FTO: variants seen among roughly 807,000 people sequenced by gnomAD.
The protein encoded by FTO is alpha-ketoglutarate-dependent dioxygenase FTO.
FTO carries 47 observed loss-of-function variants against 63.9 expected under a neutral mutation model. The observed-to-expected ratio is 0.74, with a 90% CI of 0.58 to 0.94. The LOEUF (loss-of-function observed/expected upper bound fraction) is 0.94. FTO is among the 40% of genes least tolerant of loss of function. FTO has a pLI of 0.00. For synonymous variants in FTO, 207 were observed against 224.4 expected (o/e 0.92, Z 0.69); for missense variants, 562 against 618.1 (o/e 0.91, Z 0.96).
At chr16:53,968,810 T>A (rs1413428847) in intron 8 of FTO, among the ~76,000 whole-genome samples, 1 of 152,232 alleles carries the variant, frequency 6.6e-6, no homozygotes, top group African/African-American at 2.4e-5. Flanking sequence ...CCTGGTGGGA[T>A]GTTTTCAATA....
intron 7 of FTO, among the ~76,000 whole-genome samples, chr16:53,910,107 G>A (rs564246933): frequency 2.6e-5 from 4 of 152,072 alleles, no homozygotes; most frequent in African/African-American, 4.8e-5. Context: ...AGGTTGGGAC[G>A]GAGCCCATTT....
chr16:53,837,499 T>C (rs577868621), intron 3 of FTO, among the ~76,000 whole-genome samples: 107 of 152,330 alleles, frequency 7.0e-4, no homozygotes, highest in Non-Finnish European at 1.4e-3. Context: ...GAGCTGGGAA[T>C]GATTAGTTTG....
At chr16:54,060,926 T>G (rs2085554790) in intron 8 of FTO, among the ~76,000 whole-genome samples, 2 of 152,226 alleles carry the variant, frequency 1.3e-5, no homozygotes, top group African/African-American at 4.8e-5. Context: ...AGAGAAAATT[T>G]CGCCCTGGCC....
At chr16:53,937,103 G>A in intron 8 of FTO, 3 of 396,042 alleles carry the variant, frequency 7.6e-6, no homozygotes, top group Middle Eastern at 6.4e-4. Context: ...GCATGACTTG[G>A]GGTAACCGAG....
intron 2 of FTO, among the ~76,000 whole-genome samples, chr16:53,824,187 T>G (rs1385069121): frequency 4.6e-5 from 7 of 152,220 alleles, no homozygotes; most frequent in Admixed American, 4.6e-4. Context: ...AGCTTCAGAT[T>G]CCTTACCACG....
intron 3 of FTO, among the ~76,000 whole-genome samples, chr16:53,835,664 T>C (rs1387438428): frequency 6.6e-6 from 1 of 152,152 alleles, no homozygotes; most frequent in African/African-American, 2.4e-5. Context: ...TTACTGTCAT[T>C]GTGTAGGGCT....
intron 8 of FTO, among the ~76,000 whole-genome samples, chr16:54,016,762 C>T (rs148872877): frequency 1.7e-4 from 26 of 152,152 alleles, no homozygotes; most frequent in Middle Eastern, 3.4e-3. Context: ...GCTTGGTTAG[C>T]GATAATGGAG....
intron 8 of FTO, among the ~76,000 whole-genome samples, chr16:54,054,743 C>T (rs557078247): frequency 2.6e-5 from 4 of 152,134 alleles, no homozygotes; most frequent in African/African-American, 7.2e-5. Flanking sequence ...AGAGACAAGA[C>T]AGGAAGATGA....
intron 8 of FTO, among the ~76,000 whole-genome samples, chr16:54,084,866 A>G (rs1475639824): frequency 2.0e-5 from 3 of 152,174 alleles, no homozygotes; most frequent in East Asian, 1.9e-4. Context: ...TGCCATTTGC[A>G]TATGTCCTCT....
intron 8 of FTO, among the ~76,000 whole-genome samples, chr16:54,036,476 C>T (rs920708556): frequency 1.3e-5 from 2 of 152,152 alleles, no homozygotes; most frequent in African/African-American, 4.8e-5. Flanking sequence ...ACTGCAGGGT[C>T]AAAACTCAAA....
intron 1 of FTO, among the ~76,000 whole-genome samples, chr16:53,786,460 T>G (rs2077742819): frequency 6.6e-6 from 1 of 152,116 alleles, no homozygotes; most frequent in African/African-American, 2.4e-5. Flanking sequence ...ATAAAAAAAT[T>G]CAAAACTGGC....
intron 1 of FTO, among the ~76,000 whole-genome samples, chr16:53,791,590 A>C (rs1473915478): frequency 6.6e-6 from 1 of 152,224 alleles, no homozygotes; most frequent in African/African-American, 2.4e-5. Context: ...GAATATATGC[A>C]GAGGAATAAC....
intron 1 of FTO, among the ~76,000 whole-genome samples, chr16:53,780,878 G>A (rs1196728243): frequency 2.0e-5 from 3 of 152,122 alleles, no homozygotes; most frequent in Non-Finnish European, 4.4e-5. Context: ...GAATAAGGTA[G>A]TACTTAGCAT....
rs2078702468 is a variant in FTO, at chr16:53,816,712, A to G, written c.123+6495A>G. Among the ~76,000 whole-genome samples the G allele has an allele frequency of 3.3e-5, 5 of 152,280 alleles. No individual in the cohort carries two copies. In the South Asian group the frequency reaches 8.3e-4, roughly 25 times the overall value. Reference sequence around the variant, plus strand: ...GGCCTTCCCTTACCACCCTGTGGAAAGTAGGCATACTTACCCCAGCACTCC... The same window carrying G: ...GGCCTTCCCTTACCACCCTGTGGAAGGTAGGCATACTTACCCCAGCACTCC... On this transcript the variant is annotated intron_variant, in intron 2 of 8. Transcript: ENST00000471389.
chr16:53,960,538 C>CTGGTCTGAAAGAGGCTCCCA (rs2083050130), intron 8 of FTO, among the ~76,000 whole-genome samples: 1 of 152,214 alleles, frequency 6.6e-6, no homozygotes, highest in African/African-American at 2.4e-5. Flanking sequence ...TTAAACATCA[C>CTGGTCTGAAAGAGGCTCCCA]TGGTCTGAAA....
chr16:53,822,573 G>C (rs1283083333), intron 2 of FTO, among the ~76,000 whole-genome samples: 1 of 152,120 alleles, frequency 6.6e-6, no homozygotes, highest in Non-Finnish European at 1.5e-5. Context: ...CACACAGTGG[G>C]CTCTCATGAG....
At chr16:53,760,954 C>T (rs1021291028) in intron 1 of FTO, among the ~76,000 whole-genome samples, 1 of 151,850 alleles carries the variant, frequency 6.6e-6, no homozygotes, top group Non-Finnish European at 1.5e-5. Context: ...TTGACTTTGA[C>T]GATTTATTTT....
At chr16:54,030,415 G>A (rs1406482968) in intron 8 of FTO, among the ~76,000 whole-genome samples, 5 of 152,168 alleles carry the variant, frequency 3.3e-5, no homozygotes, top group African/African-American at 1.2e-4. Context: ...TGTATAAAAA[G>A]CATTATCTGG....
At chr16:53,775,759 A>G (rs954367756) in intron 1 of FTO, among the ~76,000 whole-genome samples, 1 of 152,160 alleles carries the variant, frequency 6.6e-6, no homozygotes, top group African/African-American at 2.4e-5. Context: ...CAGCTCTGCT[A>G]TCCTTTTGCC....
Sources: allele counts gnomAD v4.1 joint callset (sites outside exome capture counted in the v4.1 genomes callset), GRCh38; gene constraint gnomAD v4.1.1; transcripts MANE v1.5; gene names NCBI Gene and HGNC (gene_info 2026-07-23, HGNC 2026-07-21).